The following CADM2 variants were observed in gnomAD, a reference collection of about 807,000 sequenced individuals.
The protein encoded by CADM2 is immunoglobulin superfamily member 4D.
CADM2 carries 12 observed loss-of-function variants against 49.8 expected under a neutral mutation model. That is an observed-to-expected ratio of 0.24 (90% confidence interval 0.15 to 0.39). The LOEUF is 0.39. Among genes scored for constraint, CADM2 ranks in the 10% least tolerant of loss-of-function variants. The pLI, the probability that CADM2 is intolerant of heterozygous loss-of-function variation, is 1.00. For synonymous variants in CADM2, 214 were observed against 175.4 expected, an observed-to-expected ratio of 1.22 and a Z score of -1.74; for missense variants, 378 against 492.3, an observed-to-expected ratio of 0.77 and a Z score of 2.20.
At chr3:85,858,841 C>T (rs2108315039) in intron 3 of CADM2, among the ~76,000 whole-genome samples, 1 of 152,240 alleles carries the variant, frequency 6.6e-6, no homozygotes, top group Admixed American at 6.5e-5. Context: ...TGTGCCAAAG[C>T]TTAGCTTGGA....
intron 1 of CADM2, among the ~76,000 whole-genome samples, chr3:85,239,178 A>AT (rs1205203880): frequency 1.3e-5 from 2 of 151,720 alleles, no homozygotes; most frequent in Non-Finnish European, 2.9e-5. Context: ...TGGAGGAGGA[A>AT]TTTTTTTTCT....
intron 3 of CADM2, among the ~76,000 whole-genome samples, chr3:85,844,839 A>G (rs2074802662): frequency 6.6e-6 from 1 of 151,998 alleles, no homozygotes; most frequent in African/African-American, 2.4e-5. Flanking sequence ...TTTCTTCTTC[A>G]GTCTAATTCC....
At chr3:85,359,666 A>ATATATATATATATATATATATT in intron 1 of CADM2, among the ~76,000 whole-genome samples, 29 of 26,530 alleles carry the variant, frequency 1.1e-3, no homozygotes, top group African/African-American at 1.3e-3. Context: ...ATATATATAT[A>ATATATATATATATATATATATT]TTTTTTTTTT....
intron 3 of CADM2, among the ~76,000 whole-genome samples, chr3:85,866,731 GT>G (rs1559710191): frequency 6.6e-6 from 1 of 151,630 alleles, no homozygotes; most frequent in African/African-American, 2.4e-5. Flanking sequence ...TGTTCTTCTG[GT>G]TTTTTTCTCC....
chr3:85,622,395 CT>C, intron 1 of CADM2, among the ~76,000 whole-genome samples: 1 of 152,186 alleles, frequency 6.6e-6, no homozygotes, highest in East Asian at 1.9e-4. Context: ...CTAAAAAATG[CT>C]GTAAATCTAA....
At chr3:85,831,653 T>C (rs2074192285) in intron 3 of CADM2, among the ~76,000 whole-genome samples, 1 of 151,968 alleles carries the variant, frequency 6.6e-6, no homozygotes, top group Non-Finnish European at 1.5e-5. Flanking sequence ...CTGTCTATAT[T>C]CTTTGCTCCC....
chr3:85,565,577 A>G (rs960867079), intron 1 of CADM2, among the ~76,000 whole-genome samples: 2 of 152,074 alleles, frequency 1.3e-5, no homozygotes, highest in Admixed American at 6.6e-5. Context: ...AAATACCTTT[A>G]TTTTAACAAT....
At chr3:85,427,206 A>ATATTTGT (rs1268826878) in intron 1 of CADM2, among the ~76,000 whole-genome samples, 1 of 142,778 alleles carries the variant, frequency 7.0e-6, no homozygotes, top group African/African-American at 2.7e-5. Flanking sequence ...ATATATGTAT[A>ATATTTGT]ATAAGTTTGT....
At chr3:85,364,251 A>G (rs983770212) in intron 1 of CADM2, among the ~76,000 whole-genome samples, 1 of 152,180 alleles carries the variant, frequency 6.6e-6, no homozygotes, top group East Asian at 1.9e-4. Flanking sequence ...TTTTATTTCT[A>G]TAGCATGTTT....
chr3:85,994,421 C>T (rs1729122949), intron 8 of CADM2: 1 of 152,198 alleles, frequency 6.6e-6, no homozygotes, highest in African/African-American at 2.4e-5. Flanking sequence ...ACCACTTAAA[C>T]TTTCTCTATA....
At chr3:85,632,938 A>T in intron 1 of CADM2, among the ~76,000 whole-genome samples, 1 of 152,252 alleles carries the variant, frequency 6.6e-6, no homozygotes, top group South Asian at 2.1e-4. Flanking sequence ...TCTAAAATCG[A>T]AAATAAAATA....
chr3:85,248,450 A>AT (rs2042700401), intron 1 of CADM2, among the ~76,000 whole-genome samples: 1 of 151,848 alleles, frequency 6.6e-6, no homozygotes, highest in Non-Finnish European at 1.5e-5. Context: ...AATTTGTTGT[A>AT]TTTTTACTAA....
At position 85,772,332 on chromosome 3, in the gene CADM2, T is replaced by C. The variant is rs535620096; in HGVS notation, c.89-29715T>C. On this transcript the variant is annotated intron_variant, in intron 2 of 9. Coordinates refer to ENST00000383699, the MANE Select transcript of CADM2 (RefSeq NM_001167675.2). ...GCTTTGGAATTTCTGCATTCGAATATTGGAATTTTCTTTGACTTACTTAGA... is the reference window on the plus strand; with the variant it reads ...GCTTTGGAATTTCTGCATTCGAATACTGGAATTTTCTTTGACTTACTTAGA... Among the ~76,000 whole-genome samples, 149 of 152,216 alleles carry C rather than the reference T, an allele frequency of 9.8e-4. No individual in the cohort carries two copies. In the South Asian group the frequency reaches 0.015, roughly 15 times the overall value.
chr3:85,150,338 A>G (rs2039882948), intron 1 of CADM2, among the ~76,000 whole-genome samples: 1 of 152,164 alleles, frequency 6.6e-6, no homozygotes, highest in East Asian at 1.9e-4. Context: ...CTTCTGGCAG[A>G]TGGTGTACAA....
chr3:85,088,407 T>C (rs79716057), intron 1 of CADM2, among the ~76,000 whole-genome samples: 4,620 of 152,240 alleles, frequency 0.03, 176 homozygotes, highest in African/African-American at 0.089. Context: ...ATAGTATTTG[T>C]AATAAGCAAA....
intron 5 of CADM2, among the ~76,000 whole-genome samples, chr3:85,892,449 T>C (rs1714577588): frequency 6.6e-6 from 1 of 152,158 alleles, no homozygotes; most frequent in Admixed American, 6.5e-5. Context: ...CCGTATGTCA[T>C]GGGAAGGACT....
intron 1 of CADM2, among the ~76,000 whole-genome samples, chr3:85,549,676 T>C (rs2061751715): frequency 6.6e-6 from 1 of 152,056 alleles, no homozygotes; most frequent in East Asian, 1.9e-4. Context: ...CAGGCTGGAG[T>C]GCAATGGTAC....
intron 1 of CADM2, among the ~76,000 whole-genome samples, chr3:85,489,411 T>C (rs1031496165): frequency 6.6e-5 from 10 of 152,192 alleles, no homozygotes; most frequent in Middle Eastern, 3.2e-3. Flanking sequence ...TGTAAATATA[T>C]GGTAAGGTAT....
intron 1 of CADM2, among the ~76,000 whole-genome samples, chr3:85,658,684 A>G (rs1020640833): frequency 2.0e-5 from 3 of 148,188 alleles, no homozygotes; most frequent in Non-Finnish European, 3.0e-5. Context: ...ATTTCCAGTA[A>G]AAAATGAAAC....
Sources: gnomAD v4.1 joint callset for allele counts (sites outside exome capture counted in the v4.1 genomes callset) on GRCh38, gnomAD v4.1.1 for gene constraint, MANE v1.5 for transcripts, NCBI Gene and HGNC (gene_info 2026-07-23, HGNC 2026-07-21) for gene names.